DROSHA: variants seen among roughly 807,000 people sequenced by gnomAD.
DROSHA encodes the protein ribonuclease 3.
In DROSHA, 56 loss-of-function variants were observed where a neutral mutation model predicts 181.9. That is an observed-to-expected ratio of 0.31 (90% CI 0.25 to 0.38). The LOEUF is 0.38. DROSHA is among the 10% of genes least tolerant of loss of function. The pLI, the probability that DROSHA is intolerant of heterozygous loss-of-function variation, is 1.00. For missense variants in DROSHA, 1,218 were observed against 1,743.5 expected (o/e 0.70, Z 5.37); for synonymous variants, 524 against 591.2 (o/e 0.89, Z 1.65).
intron 5 of DROSHA, among the ~76,000 whole-genome samples, chr5:31,523,029 G>A (rs762858085): frequency 2.6e-5 from 4 of 152,208 alleles, no homozygotes; most frequent in Non-Finnish European, 5.9e-5. Flanking sequence ...CCAAGAAGCA[G>A]GGGAGGGGCA....
intron 16 of DROSHA, among the ~76,000 whole-genome samples, chr5:31,481,675 T>G (rs760399570): frequency 5.9e-5 from 9 of 152,184 alleles, no homozygotes; most frequent in Non-Finnish European, 1.3e-4. Flanking sequence ...ACTAAAAATC[T>G]GAGTAATGCT....
intron 27 of DROSHA, among the ~76,000 whole-genome samples, chr5:31,426,880 T>A (rs1403928952): frequency 2.0e-5 from 3 of 151,810 alleles, no homozygotes; most frequent in Non-Finnish European, 4.4e-5. Context: ...AGAGTTCAAG[T>A]GAGAAATGAG....
intron 35 of DROSHA, among the ~76,000 whole-genome samples, chr5:31,403,208 A>G (rs902936021): frequency 1.3e-5 from 2 of 152,260 alleles, no homozygotes; most frequent in African/African-American, 2.4e-5. Flanking sequence ...TCAAAAATAA[A>G]CAAACCCCAC....
At position 31,480,594 on chromosome 5, in the gene DROSHA, T is replaced by C. The variant is rs138452177; in HGVS notation, c.2071+2960A>G. 2.2e-3 allele frequency among the ~76,000 whole-genome samples: 330 copies of C among 152,286 alleles called. 3 individuals carry two copies. The highest frequency in any genetic ancestry group is 7.4e-3 in the African/African-American group (306 of 41,552). On this transcript the variant is annotated intron_variant, in intron 16 of 35. Transcript: ENST00000344624. ...CATGCACTTTTCAGTATTTATGTTA[T>C]AGTTCAACCAAAAGTTTACTTTATA...
intron 18 of DROSHA, 69 bp downstream of exon 18, chr5:31,467,870 A>G: frequency 6.4e-7 from 1 of 1,569,422 alleles, no homozygotes; most frequent in South Asian, 1.2e-5. Context: ...ACTAAAGGGT[A>G]TTTCTCTGCT....
At chr5:31,404,734 G>C (rs1043728053) in intron 35 of DROSHA, among the ~76,000 whole-genome samples, 2 of 151,874 alleles carry the variant, frequency 1.3e-5, no homozygotes, top group African/African-American at 4.8e-5. Flanking sequence ...TTCAACCCAC[G>C]CATCCCACTC....
At chr5:31,483,066 C>A (rs746777853) in intron 16 of DROSHA, among the ~76,000 whole-genome samples, 1 of 151,988 alleles carries the variant, frequency 6.6e-6, no homozygotes, top group Non-Finnish European at 1.5e-5. Context: ...ATATATTTCC[C>A]TATATTTTAT....
chr5:31,501,167 C>T, intron 11 of DROSHA, among the ~76,000 whole-genome samples: 1 of 152,158 alleles, frequency 6.6e-6, no homozygotes. Context: ...GCAGACAGTT[C>T]AAGCCATGTT....
intron 29 of DROSHA, 84 bp downstream of exon 29, chr5:31,422,703 T>C (rs1353855214): frequency 6.6e-7 from 1 of 1,522,426 alleles, no homozygotes; most frequent in African/African-American, 1.4e-5. Context: ...GAAATCCCAA[T>C]TCCTTCGAAG....
At chr5:31,484,237 A>G (rs1261012640) in intron 15 of DROSHA, among the ~76,000 whole-genome samples, 2 of 151,790 alleles carry the variant, frequency 1.3e-5, no homozygotes. Context: ...AGCCGGGCGT[A>G]GTGGTGGGCG....
At chr5:31,521,248 A>G (rs770188140) in intron 5 of DROSHA, 33 bp from the exon 6 acceptor site, 3 of 1,606,574 alleles carry the variant, frequency 1.9e-6, no homozygotes, top group Admixed American at 1.7e-5. Flanking sequence ...GCTGTTTTCA[A>G]CAGAAAGACT....
At chr5:31,520,853 G>C (rs1205276388) in intron 6 of DROSHA, among the ~76,000 whole-genome samples, 1 of 152,066 alleles carries the variant, frequency 6.6e-6, no homozygotes, top group African/African-American at 2.4e-5. Context: ...TTTTTAAAAT[G>C]ATTAATGTAT....
intron 13 of DROSHA, among the ~76,000 whole-genome samples, chr5:31,491,870 C>T (rs1430143586): frequency 1.3e-5 from 2 of 152,206 alleles, no homozygotes. Context: ...TCTCGGCTCA[C>T]TGAAACTTCT....
At chr5:31,449,172 G>T in intron 22 of DROSHA, 109 bp downstream of exon 22, 8 of 1,328,800 alleles carry the variant, frequency 6.0e-6, no homozygotes, top group African/African-American at 4.4e-5. Context: ...ACTAGAATAT[G>T]AGACGGTGAA....
At chr5:31,510,620 TG>T (rs1738559566) in intron 9 of DROSHA, among the ~76,000 whole-genome samples, 1 of 152,214 alleles carries the variant, frequency 6.6e-6, no homozygotes, top group Non-Finnish European at 1.5e-5. Context: ...TCTACACAAG[TG>T]GAGAGAAACC....
At chr5:31,445,684 T>G (rs1267313349) in intron 23 of DROSHA, among the ~76,000 whole-genome samples, 1 of 150,720 alleles carries the variant, frequency 6.6e-6, no homozygotes, top group African/African-American at 2.4e-5. Flanking sequence ...TAAAATGACA[T>G]GATTATGTTA....
intron 11 of DROSHA, among the ~76,000 whole-genome samples, chr5:31,502,982 A>T (rs1346642491): frequency 6.6e-6 from 1 of 152,140 alleles, no homozygotes; most frequent in East Asian, 1.9e-4. Context: ...AAGAAAAAAG[A>T]TTGGAAGATG....
intron 20 of DROSHA, among the ~76,000 whole-genome samples, chr5:31,455,187 T>C (rs116811284): frequency 0.013 from 1,999 of 152,030 alleles, 15 homozygotes; most frequent in Middle Eastern, 0.017. Flanking sequence ...GCCCAATGAA[T>C]AGTGCTTTTG....
intron 17 of DROSHA, among the ~76,000 whole-genome samples, chr5:31,469,564 A>G (rs1400026756): frequency 6.6e-6 from 1 of 152,246 alleles, no homozygotes; most frequent in Admixed American, 6.5e-5. Flanking sequence ...AATTACTTTC[A>G]TTATTTTGTA....
Sources: gnomAD v4.1 joint callset for allele counts (sites outside exome capture counted in the v4.1 genomes callset) on GRCh38, gnomAD v4.1.1 for gene constraint, MANE v1.5 for transcripts, NCBI Gene and HGNC (gene_info 2026-07-23, HGNC 2026-07-21) for gene names.